FIP1L1: variants seen among roughly 807,000 people sequenced by gnomAD.
FIP1L1 encodes pre-mRNA 3'-end-processing factor FIP1.
FIP1L1 carries 21 observed loss-of-function variants against 84.6 expected under a neutral mutation model. The observed-to-expected ratio is 0.25, with a 90% CI of 0.18 to 0.36. FIP1L1 has a LOEUF of 0.36. FIP1L1 is among the 10% of genes least tolerant of loss of function. The probability of loss-of-function intolerance (pLI) is 1.00; values close to 1 mark genes in which losing one functional copy is unlikely to be tolerated. For synonymous variants in FIP1L1, 263 were observed against 242.3 expected (o/e 1.09, Z -0.80); for missense variants, 526 against 751.1 (o/e 0.70, Z 3.50).
intron 10 of FIP1L1, among the ~76,000 whole-genome samples, chr4:53,406,581 A>T (rs6850443): frequency 0.12 from 17,945 of 152,186 alleles, 1,147 homozygotes; most frequent in East Asian, 0.16. Context: ...TTCAGAAGGA[A>T]TGGTACCAGT....
intron 1 of FIP1L1, 152 bp downstream of exon 1, chr4:53,378,075 G>C: frequency 1.6e-6 from 1 of 610,138 alleles, no homozygotes. Flanking sequence ...CGGCGTGCGC[G>C]TGCCCCCAGT....
chr4:53,440,777 AT>A (rs1402285244), intron 13 of FIP1L1: 1 of 596,296 alleles, frequency 1.7e-6, no homozygotes, highest in East Asian at 3.0e-5. Flanking sequence ...TGATTAAGAT[AT>A]TTAGTTTTCT....
chr4:53,423,626 G>A (rs1019263982), intron 11 of FIP1L1, among the ~76,000 whole-genome samples: 6 of 152,090 alleles, frequency 3.9e-5, no homozygotes, highest in African/African-American at 7.2e-5. Flanking sequence ...GGAACAAAAC[G>A]GTAAGCTTAA....
intron 15 of FIP1L1, among the ~76,000 whole-genome samples, chr4:53,451,792 A>G (rs1716155451): frequency 6.6e-6 from 1 of 151,914 alleles, no homozygotes; most frequent in Non-Finnish European, 1.5e-5. Flanking sequence ...TTGGATTTGC[A>G]TATATGATTA....
intron 10 of FIP1L1, among the ~76,000 whole-genome samples, chr4:53,403,166 C>CT (rs375079079): frequency 5.9e-5 from 9 of 151,758 alleles, no homozygotes; most frequent in Non-Finnish European, 8.8e-5. Flanking sequence ...CAAGAGAAAC[C>CT]TTTTTTTTCA....
At chr4:53,397,638 G>A (rs193179973) in intron 9 of FIP1L1, among the ~76,000 whole-genome samples, 55 of 152,348 alleles carry the variant, frequency 3.6e-4, no homozygotes, top group African/African-American at 1.3e-3. Flanking sequence ...CAAACAATCT[G>A]TAAATAGTCT....
At chr4:53,385,684 A>G (rs1416443169) in intron 5 of FIP1L1, among the ~76,000 whole-genome samples, 2 of 152,174 alleles carry the variant, frequency 1.3e-5, no homozygotes, top group Non-Finnish European at 2.9e-5. Flanking sequence ...TGCTCACAAA[A>G]GTTGAAGGAA....
chr4:53,409,011 T>C (rs1393415906), intron 10 of FIP1L1, among the ~76,000 whole-genome samples: 12 of 152,262 alleles, frequency 7.9e-5, no homozygotes, highest in Non-Finnish European at 1.2e-4. Flanking sequence ...AGGCATTCTC[T>C]GTCCAGCTTT....
chr4:53,455,041 A>G (rs1234982146), intron 16 of FIP1L1, among the ~76,000 whole-genome samples: 1 of 151,888 alleles, frequency 6.6e-6, no homozygotes, highest in Non-Finnish European at 1.5e-5. Context: ...AAACCAACTA[A>G]CCTCTGCTAG....
intron 3 of FIP1L1, among the ~76,000 whole-genome samples, chr4:53,380,843 T>G (rs1207605653): frequency 6.6e-6 from 1 of 152,252 alleles, no homozygotes; most frequent in East Asian, 1.9e-4. Context: ...GGTCAAGAAA[T>G]TAATTACAGG....
intron 17 of FIP1L1, 141 bp downstream of exon 17, chr4:53,458,931 C>A: frequency 1.1e-6 from 1 of 937,908 alleles, no homozygotes; most frequent in Non-Finnish European, 1.6e-6. Context: ...GGCCTTGTCT[C>A]AAATTTTTTT....
At chr4:53,386,497 C>G (rs916981026) in intron 5 of FIP1L1, among the ~76,000 whole-genome samples, 26 of 152,038 alleles carry the variant, frequency 1.7e-4, no homozygotes, top group Admixed American at 3.9e-4. Context: ...AACATAAGTG[C>G]TAGAATAGAA....
chr4:53,456,806 A>G (rs2150457297), intron 16 of FIP1L1, among the ~76,000 whole-genome samples: 1 of 152,236 alleles, frequency 6.6e-6, no homozygotes, highest in Admixed American at 6.5e-5. Context: ...ATCTTCTACC[A>G]TCTGTTATAA....
At chr4:53,402,390 T>G (rs538939273) in intron 10 of FIP1L1, among the ~76,000 whole-genome samples, 5 of 152,232 alleles carry the variant, frequency 3.3e-5, no homozygotes, top group African/African-American at 1.2e-4. Flanking sequence ...GAGAAGTTTT[T>G]TTTCAAAACA....
intron 9 of FIP1L1, among the ~76,000 whole-genome samples, chr4:53,398,012 A>C (rs1313918776): frequency 6.6e-6 from 1 of 152,200 alleles, no homozygotes; most frequent in Non-Finnish European, 1.5e-5. Flanking sequence ...ATCCCCAGGC[A>C]GAACAATGCG....
chr4:53,379,161 T>C lies in FIP1L1; in HGVS notation c.130+44T>C, dbSNP rs772459076. On this transcript the variant is annotated intron_variant, in intron 2 of 17. Transcript: ENST00000337488. ...CACTTCAGATTTTCATAATACTAGT[T>C]TCTTTAAGAGTGGTTTCTTTATTTT... 5 of 1,609,722 alleles carry C rather than the reference T, an allele frequency of 3.1e-6. No individual in the cohort carries two copies. The African/African-American group carries it at 6.7e-5, about 22-fold the overall frequency.
At chr4:53,408,404 C>T (rs550445525) in intron 10 of FIP1L1, among the ~76,000 whole-genome samples, 1 of 152,262 alleles carries the variant, frequency 6.6e-6, no homozygotes, top group East Asian at 1.9e-4. Flanking sequence ...GTAACCCGAC[C>T]TTTCTCTCTG....
intron 11 of FIP1L1, among the ~76,000 whole-genome samples, chr4:53,416,486 ACT>A (rs1416042409): frequency 6.6e-6 from 1 of 151,914 alleles, no homozygotes; most frequent in Non-Finnish European, 1.5e-5. Flanking sequence ...CAAACCTGAA[ACT>A]CTTTATTTTC....
intron 13 of FIP1L1, among the ~76,000 whole-genome samples, chr4:53,438,392 C>T (rs1025313961): frequency 3.3e-5 from 5 of 152,306 alleles, no homozygotes; most frequent in African/African-American, 1.2e-4. Flanking sequence ...GTTGGCCTTA[C>T]ATGATATCAC....
Sources: allele counts gnomAD v4.1 joint callset (sites outside exome capture counted in the v4.1 genomes callset), GRCh38; gene constraint gnomAD v4.1.1; transcripts MANE v1.5; gene names NCBI Gene and HGNC (gene_info 2026-07-23, HGNC 2026-07-21).